Variants in PTP4A2 observed in about 807,000 individuals in gnomAD.
The protein encoded by PTP4A2 is protein tyrosine phosphatase type IVA 2.
In PTP4A2, 2 loss-of-function variants were observed where a neutral mutation model predicts 22.9. The observed-to-expected ratio is 0.09, with a 90% CI of 0.04 to 0.27. PTP4A2 has a LOEUF of 0.27. PTP4A2 is among the 10% of genes least tolerant of loss of function. PTP4A2 has a pLI of 1.00. For synonymous variants in PTP4A2, 68 were observed against 69.1 expected (o/e 0.98, Z 0.08); for missense variants, 103 against 205.1 (o/e 0.50, Z 3.04).
Position 31,914,363 on chromosome 1 carries a change from C to T in PTP4A2, c.189+1532G>A, listed in dbSNP as rs182441016. The T allele has an allele frequency of 6.0e-4, 248 of 416,624 alleles. 2 individuals are homozygous for T. The highest frequency in any genetic ancestry group is 4.8e-3 in the African/African-American group (232 of 48,282). 25.8% of individuals were successfully genotyped at this position (416,624 alleles called of 1,614,324 possible). A position where few individuals can be genotyped will look rare whatever the true frequency, so the allele number is the denominator to read the frequency against. On this transcript the variant is annotated intron_variant, in intron 3 of 5. Coordinates refer to ENST00000647444, the MANE Select transcript of PTP4A2 (RefSeq NM_080391.4). ...AACAGGCATGAGCCACCACACAGGG[C>T]CCTAAAACACATTTTTTTAAAACAC...
intron 1 of PTP4A2, among the ~76,000 whole-genome samples, chr1:31,922,088 T>C (rs944947908): frequency 2.0e-5 from 3 of 152,186 alleles, no homozygotes; most frequent in Admixed American, 6.5e-5. Flanking sequence ...CCCCAAAACA[T>C]AGCCACCTTA....
rs763908812 is a variant in PTP4A2 at position 31,919,079 on chromosome 1, A to C, written c.-14T>G. The C allele has an allele frequency of 2.1e-6, 3 of 1,449,574 alleles. No homozygotes were observed. Among genetic ancestry groups the C allele is most frequent in the Non-Finnish European group, 1.9e-6 (2 of 1,032,898 alleles). 89.8% of individuals were successfully genotyped at this position (1,449,574 alleles called of 1,614,324 possible). On this transcript the variant is annotated 5_prime_UTR_variant, in exon 2 of 6. Transcript: ENST00000647444. ...TGGACGGTTCATTATGGCAAATAAA[A>C]AGTGTGAGCGTGCGTGTGAGTGTGA... is the stretch of plus-strand genomic sequence containing the variant.
At chr1:31,910,778 A>T (rs985573184) in intron 4 of PTP4A2, 7 of 152,238 alleles carry the variant, frequency 4.6e-5, no homozygotes, top group Non-Finnish European at 8.8e-5. Context: ...AATGTGTCAG[A>T]ATTTTCATTA....
chr1:31,929,970 CT>C (rs561486076), intron 1 of PTP4A2, among the ~76,000 whole-genome samples: 30 of 152,280 alleles, frequency 2.0e-4, no homozygotes, highest in African/African-American at 7.2e-4. Flanking sequence ...TTTGAATCAC[CT>C]TTCAAAATAA....
At chr1:31,915,848 T>A (rs1651801995) in intron 3 of PTP4A2, 47 bp downstream of exon 3, 2 of 1,258,736 alleles carry the variant, frequency 1.6e-6, no homozygotes, top group East Asian at 4.7e-5. Flanking sequence ...ATATTTATGT[T>A]TGAAAGATAC....
intron 1 of PTP4A2, among the ~76,000 whole-genome samples, chr1:31,926,149 A>AAAAAATATAT (rs59088489): frequency 2.1e-4 from 27 of 131,338 alleles, no homozygotes; most frequent in African/African-American, 7.7e-4. Flanking sequence ...AAAAAAAAAA[A>AAAAAATATAT]ATATATATAT....
At chr1:31,931,247 G>A (rs973770085) in intron 1 of PTP4A2, 43 of 152,202 alleles carry the variant, frequency 2.8e-4, no homozygotes, top group African/African-American at 1.0e-3. Flanking sequence ...AATGGAGTAG[G>A]ATTAAGACTT....
intron 1 of PTP4A2, among the ~76,000 whole-genome samples, chr1:31,920,989 T>C (rs542216296): frequency 1.3e-5 from 2 of 152,338 alleles, no homozygotes; most frequent in African/African-American, 4.8e-5. Context: ...TTATTCTTTC[T>C]ATCCAAAGTA....
chr1:31,908,140 TTATATATATATA>T lies in PTP4A2; in HGVS notation c.*700_*711del, dbSNP rs1204595576. On this transcript the variant is annotated 3_prime_UTR_variant, in exon 6 of 6. Transcript: ENST00000647444. ...TATATATATATATATATATATTATA[TTATATATATATA>T]TATATATATATATATATATATATAT... The T allele has an allele frequency of 7.1e-3, 3 of 424 alleles. No individual in the cohort carries two copies. The highest frequency in any genetic ancestry group is 0.025 in the Admixed American group (1 of 40). The allele number at this position is 424 out of a possible 1,614,324, so 0.0% of individuals were successfully genotyped here.
At chr1:31,922,637 T>TCTTTC (rs1553211660) in intron 1 of PTP4A2, among the ~76,000 whole-genome samples, 15 of 145,952 alleles carry the variant, frequency 1.0e-4, no homozygotes, top group South Asian at 4.5e-4. Context: ...TTTCTTTCTT[T>TCTTTC]TATTTATTTT....
rs868206625 is a variant in PTP4A2, at chr1:31,908,137, A to G, written c.*715T>C. 2.6e-3 allele frequency: 1 copy of G among 392 alleles called. No individual in the cohort carries two copies. Among genetic ancestry groups the G allele is most frequent in the African/African-American group, 0.013 (1 of 78 alleles). 0.0% of individuals were successfully genotyped at this position (392 alleles called of 1,614,324 possible). A position where few individuals can be genotyped will look rare whatever the true frequency, so the allele number is the denominator to read the frequency against. ...AAATATATATATATATATATATATT[A>G]TATTATATATATATATATATATATA... On this transcript the variant is annotated 3_prime_UTR_variant, in exon 6 of 6. Coordinates refer to ENST00000647444, the MANE Select transcript of PTP4A2 (RefSeq NM_080391.4).
chr1:31,921,044 C>CA (rs1652129546), intron 1 of PTP4A2, among the ~76,000 whole-genome samples: 1 of 152,144 alleles, frequency 6.6e-6, no homozygotes, highest in East Asian at 1.9e-4. Context: ...AAGGCACTCT[C>CA]AAAAAATCCT....
intron 2 of PTP4A2, among the ~76,000 whole-genome samples, chr1:31,917,917 G>A (rs1242212398): frequency 2.1e-5 from 3 of 140,590 alleles, no homozygotes; most frequent in Non-Finnish European, 4.5e-5. Flanking sequence ...AGGTTGCAGT[G>A]AGCCAAGATC....
intron 2 of PTP4A2, among the ~76,000 whole-genome samples, chr1:31,918,068 T>G (rs1016727600): frequency 1.3e-5 from 2 of 150,338 alleles, no homozygotes; most frequent in African/African-American, 2.5e-5. Context: ...GCTAACATGG[T>G]GAAATCCCGT....
In PTP4A2 at chr1:31,916,005, A is replaced by T; in HGVS notation, c.97-18T>A. The stretch of plus-strand genomic sequence containing the variant: ...TTAAGTTCCTTTAAAAAAAAAAAAA[A>T]TTATAATGGAACTTGTTTTTGAAAC... On this transcript the variant is annotated intron_variant, in intron 2 of 5. Coordinates refer to ENST00000647444, the MANE Select transcript of PTP4A2 (RefSeq NM_080391.4). The T allele has an allele frequency of 1.4e-6, 2 of 1,447,744 alleles. No individual in the cohort carries two copies. Among genetic ancestry groups the T allele is most frequent in the Non-Finnish European group, 1.9e-6 (2 of 1,059,550 alleles). 89.7% of individuals were successfully genotyped at this position (1,447,744 alleles called of 1,614,324 possible). A position where few individuals can be genotyped will look rare whatever the true frequency, so the allele number is the denominator to read the frequency against.
intron 1 of PTP4A2, among the ~76,000 whole-genome samples, chr1:31,937,593 TACTC>T (rs1393120494): frequency 6.8e-6 from 1 of 146,556 alleles, no homozygotes; most frequent in Non-Finnish European, 1.5e-5. Flanking sequence ...CTCCCCCATT[TACTC>T]ACTCATTCTA....
chr1:31,931,864 C>T (rs1435925597), intron 1 of PTP4A2, among the ~76,000 whole-genome samples: 1 of 152,184 alleles, frequency 6.6e-6, no homozygotes, highest in Non-Finnish European at 1.5e-5. Context: ...CTGCACTAAC[C>T]AGTCACTCCA....
intron 2 of PTP4A2, 34 bp downstream of exon 2, chr1:31,918,936 T>C: frequency 8.3e-7 from 1 of 1,203,448 alleles, no homozygotes; most frequent in Non-Finnish European, 1.2e-6. Flanking sequence ...TACCTAGAAA[T>C]CAATCCAAAA....
At position 31,938,148 on chromosome 1, in the gene PTP4A2, C is replaced by T; in HGVS notation, c.-755G>A. On this transcript the variant is annotated 5_prime_UTR_variant, in exon 1 of 6. Coordinates refer to ENST00000647444, the MANE Select transcript of PTP4A2 (RefSeq NM_080391.4). This position sits in a 1 kb window ranked among gnomAD's most constrained non-coding sequence, Gnocchi z 4.4. ...GCGCGCGACACCCGGCCCGGCCCGG[C>T]GGCGGCGGCGGCGGCGCGTCTCCAC... 1 of 148,424 alleles carries T rather than the reference C, an allele frequency of 6.7e-6. No homozygotes were observed. The highest frequency in any genetic ancestry group is 1.5e-5 in the Non-Finnish European group (1 of 66,670). The allele number at this position is 148,424 out of a possible 1,614,324, so 9.2% of individuals were successfully genotyped here. A position where few individuals can be genotyped will look rare whatever the true frequency, so the allele number is the denominator to read the frequency against.
Sources: allele counts gnomAD v4.1 joint callset (sites outside exome capture counted in the v4.1 genomes callset), GRCh38; gene constraint gnomAD v4.1.1; non-coding constraint Gnocchi (gnomAD v3.1); transcripts MANE v1.5; gene names NCBI Gene and HGNC (gene_info 2026-07-23, HGNC 2026-07-21).